The following FLT4 variants were observed in gnomAD, a reference collection of about 807,000 sequenced individuals.
FLT4 encodes the protein vascular endothelial growth factor receptor 3.
A neutral mutation model predicts 163.2 loss-of-function variants in FLT4; 30 were observed. The observed-to-expected ratio is 0.18, with a 90% CI of 0.14 to 0.25. The LOEUF (loss-of-function observed/expected upper bound fraction) is 0.25. Ranked by LOEUF, FLT4 falls within the 10% of genes least tolerant of loss-of-function variation. The probability of loss-of-function intolerance (pLI) is 1.00; values close to 1 mark genes in which losing one functional copy is unlikely to be tolerated. For synonymous variants in FLT4, 884 were observed against 789.5 expected (o/e 1.12, Z -2.01); for missense variants, 1,510 against 1,863.8 (o/e 0.81, Z 3.50).
Position 180,616,498 on chromosome 5 carries a change from C to G in FLT4, c.3097-9G>C, listed in dbSNP as rs112258507. 6.2e-7 allele frequency: 1 copy of G among 1,613,428 alleles called. No individual in the cohort carries two copies. ...AGGTCTCTGTGGATGCACTGGGGTG[C>G]GGGGAGGCGGCAGGGGGGCTGTCAG... On this transcript the variant is annotated splice_polypyrimidine_tract_variant and intron_variant, in intron 22 of 29. Coordinates refer to ENST00000261937, the MANE Select transcript of FLT4 (RefSeq NM_182925.5).
chr5:180,624,153 C>A, intron 10 of FLT4, 92 bp from the exon 11 acceptor site: 1 of 1,493,774 alleles, frequency 6.7e-7, no homozygotes, highest in South Asian at 1.1e-5. Flanking sequence ...CATATCCAGT[C>A]ACCTTCTCAT....
chr5:180,618,791 G>A lies in FLT4; in HGVS notation c.2980C>T (p.Arg994Trp). 6.3e-7 allele frequency: 1 copy of A among 1,588,660 alleles called. No individual in the cohort carries two copies. Among genetic ancestry groups the A allele is most frequent in the South Asian group, 1.1e-5 (1 of 87,336 alleles). ...RFSKTEGGAR[R>W]ASPDQEAEDL... ...TCACCTTCTTGGTCTGGAGAAGCCC[G>A]CCTCGCTCCGCCCTCGGTCTTCGAG... The change falls in exon 21 of 30, where the codon CGG (arginine) becomes TGG (tryptophan). Residue 994 changes from arginine (R) to tryptophan (W), a missense_variant. By Grantham distance (101) the Arg-to-Trp change is moderately radical. Transcript: ENST00000261937.
intron 1 of FLT4, among the ~76,000 whole-genome samples, 200 bp from the exon 2 acceptor site, chr5:180,631,978 A>G (rs905104515): frequency 2.6e-5 from 4 of 151,988 alleles, no homozygotes; most frequent in African/African-American, 9.7e-5. Flanking sequence ...GACAGCCACG[A>G]ACCTCTCCCA....
In FLT4 at chr5:180,630,940, G is replaced by T; in HGVS notation, c.156-141C>A. 9.4e-7 allele frequency: 1 copy of T among 1,067,714 alleles called. No individual in the cohort carries two copies. The highest frequency in any genetic ancestry group is 1.3e-6 in the Non-Finnish European group (1 of 761,882). 66.1% of individuals were successfully genotyped at this position (1,067,714 alleles called of 1,614,324 possible). The stretch of plus-strand genomic sequence containing the variant: ...GCCCAGGGTTTGGGCGCACACTACA[G>T]ACCGTGCCCAGGGCAGGGCACTCCC... On this transcript the variant is annotated intron_variant, in intron 2 of 29. Coordinates refer to ENST00000261937, the MANE Select transcript of FLT4 (RefSeq NM_182925.5). This position sits in a 1 kb window ranked among gnomAD's most constrained non-coding sequence, Gnocchi z 6.3.
Position 180,603,391 on chromosome 5 carries a change from C to G in FLT4, c.3894-1G>C. On this transcript the variant is annotated splice_acceptor_variant, in intron 29 of 29. Transcript: ENST00000261937. LOFTEE classifies it high-confidence loss of function. ...CACATTCTGGCCAGGTCCTTTACAG[C>G]TGCCAAGACAGGGAAGGTGGTGTTA... 4.3e-6 allele frequency: 7 copies of G among 1,613,692 alleles called. No homozygotes were observed. Among genetic ancestry groups the G allele is most frequent in the Non-Finnish European group, 5.9e-6 (7 of 1,179,814 alleles).
chr5:180,650,169 CAAAAAAAAAA>C (rs397719371), upstream of FLT4, among the ~76,000 whole-genome samples: 1,685 of 82,282 alleles, frequency 0.02, 21 homozygotes, highest in Non-Finnish European at 0.028. Flanking sequence ...GTCTGGGAGC[CAAAAAAAAAA>C]AAAAAAAAGC....
Position 180,621,217 on chromosome 5 carries a change from C to T in FLT4, c.2056G>A (p.Asp686Asn), listed in dbSNP as rs1410033838. ...GAGTCGCTCACGTTCACCAGGAGGTCGGTCAAGTTCTGCGTGAGCCGAGGG... is the reference window on the plus strand; with the variant it reads ...GAGTCGCTCACGTTCACCAGGAGGTTGGTCAAGTTCTGCGTGAGCCGAGGG... ...EAPRLTQNLT[D>N]LLVNVSDSLE... is the part of the protein sequence containing the mutation. Residue 686 changes from aspartate to asparagine, a missense_variant, in exon 14 of 30, where the codon GAC (aspartate) becomes AAC (asparagine). Asp to Asn is a conservative substitution (Grantham distance 23). Coordinates refer to ENST00000261937, the MANE Select transcript of FLT4 (RefSeq NM_182925.5). 1.2e-6 allele frequency: 2 copies of T among 1,612,710 alleles called. No homozygotes were observed. Among genetic ancestry groups the T allele is most frequent in the Non-Finnish European group, 8.5e-7 (1 of 1,179,918 alleles).
At chr5:180,627,881 G>A (rs1295498863) in intron 8 of FLT4, among the ~76,000 whole-genome samples, 1 of 152,196 alleles carries the variant, frequency 6.6e-6, no homozygotes, top group Non-Finnish European at 1.5e-5. Flanking sequence ...CCTTGGCACT[G>A]ACCAGGTGCC....
At chr5:180,648,668 A>T (rs1440877297) in intron 1 of FLT4, among the ~76,000 whole-genome samples, 1 of 151,894 alleles carries the variant, frequency 6.6e-6, no homozygotes. Flanking sequence ...CATCCCCCAC[A>T]GTCCCTCTTT....
At position 180,618,795 on chromosome 5, in the gene FLT4, C is replaced by A. The variant is rs753714785; in HGVS notation, c.2976G>T (p.Ala992=). Residue 992 remains alanine, a synonymous_variant, in exon 21 of 30, where the codon GCG becomes GCT. Transcript: ENST00000261937. The part of the protein sequence containing the change: ...FARFSKTEGG[A]RRASPDQEAE... ...CTTCTTGGTCTGGAGAAGCCCGCCT[C>A]GCTCCGCCCTCGGTCTTCGAGAACC... 1.3e-6 allele frequency: 2 copies of A among 1,589,208 alleles called. No individual in the cohort carries two copies. The highest frequency in any genetic ancestry group is 4.6e-5 in the East Asian group (2 of 43,314).
Position 180,603,017 on chromosome 5 carries a change from G to A in FLT4, c.*175C>T, listed in dbSNP as rs1447680670. The A allele has an allele frequency of 2.6e-5, 17 of 664,712 alleles. No individual in the cohort carries two copies. The highest frequency in any genetic ancestry group is 3.9e-5 in the Non-Finnish European group (15 of 382,338). The allele number at this position is 664,712 out of a possible 1,614,324, so 41.2% of individuals were successfully genotyped here. ...TGGCCAGTCGTGGTGACGGAATTCC[G>A]GGAGCCTTGGGCCTGGAGTCCTGCT... On this transcript the variant is annotated 3_prime_UTR_variant, in exon 30 of 30. Transcript: ENST00000261937.
intron 27 of FLT4, among the ~76,000 whole-genome samples, chr5:180,610,949 C>G (rs999822187): frequency 6.6e-6 from 1 of 152,072 alleles, no homozygotes; most frequent in African/African-American, 2.4e-5. Context: ...CCCAGCTACT[C>G]GGGAGGCTGA....
chr5:180,633,004 G>A (rs1000581067), intron 1 of FLT4, among the ~76,000 whole-genome samples: 5 of 151,898 alleles, frequency 3.3e-5, no homozygotes, highest in South Asian at 4.2e-4. Flanking sequence ...GGCCCCTCCC[G>A]TCCAACACGT....
At chr5:180,629,604 C>A in intron 6 of FLT4, 92 bp downstream of exon 6, 3 of 1,509,954 alleles carry the variant, frequency 2.0e-6, no homozygotes, top group South Asian at 2.3e-5. Context: ...CAGGCCTGGG[C>A]CCACACATCC....
Position 180,621,185 on chromosome 5 carries a change from C to G in FLT4, c.2088G>C (p.Glu696Asp). 6.2e-7 allele frequency: 1 copy of G among 1,612,858 alleles called. No individual in the cohort carries two copies. Among genetic ancestry groups the G allele is most frequent in the Non-Finnish European group, 8.5e-7 (1 of 1,180,000 alleles). The change falls in exon 14 of 30, where the codon GAG becomes GAC. Residue 696 changes from glutamate (E) to aspartate (D), a missense_variant. Physicochemically the swap from Glu to Asp is conservative, Grantham distance 45. Coordinates refer to ENST00000261937, the MANE Select transcript of FLT4 (RefSeq NM_182925.5). ...DLLVNVSDSL[E>D]MQCLVAGAHA... Reference sequence around the variant, plus strand: ...GCGCTCCGGCCACCAAGCACTGCATCTCCAGCGAGTCGCTCACGTTCACCA... The same window carrying G: ...GCGCTCCGGCCACCAAGCACTGCATGTCCAGCGAGTCGCTCACGTTCACCA...
In FLT4 at chr5:180,629,621, C is replaced by T. The variant is rs115549682; in HGVS notation, c.816+75G>A. ...GGCCTGGGCCCACACATCCTCCACG[C>T]GGAGGCCCAGTGTGTGCTGTACAGT... On this transcript the variant is annotated intron_variant, in intron 6 of 29. Coordinates refer to ENST00000261937, the MANE Select transcript of FLT4 (RefSeq NM_182925.5). 1,721 of 1,539,762 alleles carry T rather than the reference C, an allele frequency of 1.1e-3. 21 individuals are homozygous for T. In the African/African-American group the frequency reaches 0.021, roughly 18 times the overall value.
At chr5:180,626,870 T>C (rs1043429359) in intron 8 of FLT4, among the ~76,000 whole-genome samples, 3 of 152,216 alleles carry the variant, frequency 2.0e-5, no homozygotes, top group Non-Finnish European at 4.4e-5. Context: ...CTCATTTCTG[T>C]AGCCAGGAAT....
At chr5:180,622,941 AT>A in intron 11 of FLT4, 102 bp from the exon 12 acceptor site, 1 of 752,956 alleles carries the variant, frequency 1.3e-6, no homozygotes, top group Admixed American at 2.0e-5. Flanking sequence ...CCCCCCAATC[AT>A]GGGGGAAACT....
At chr5:180,624,162 A>C in intron 10 of FLT4, 101 bp from the exon 11 acceptor site, 2 of 1,407,200 alleles carry the variant, frequency 1.4e-6, no homozygotes, top group Non-Finnish European at 9.8e-7. Flanking sequence ...TCACCTTCTC[A>C]TATGGGGTCG....
Sources: gnomAD v4.1 joint callset for allele counts (sites outside exome capture counted in the v4.1 genomes callset) on GRCh38, gnomAD v4.1.1 for gene constraint, Gnocchi (gnomAD v3.1) non-coding constraint, MANE v1.5 for transcripts, NCBI Gene and HGNC (gene_info 2026-07-23, HGNC 2026-07-21) for gene names.